AGBL4: variants seen among roughly 807,000 people sequenced by gnomAD.
AGBL4 encodes the protein AGBL carboxypeptidase 4.
AGBL4 carries 58 observed loss-of-function variants against 66.4 expected under a neutral mutation model. That is an observed-to-expected ratio of 0.87 (90% CI 0.71 to 1.09). The LOEUF is 1.09. Among genes scored for constraint, AGBL4 ranks in the 50% least tolerant of loss-of-function variants. The pLI is 0.00. For synonymous variants in AGBL4, 234 were observed against 222.9 expected (o/e 1.05, Z -0.44); for missense variants, 579 against 631.0 (o/e 0.92, Z 0.88).
intron 5 of AGBL4, among the ~76,000 whole-genome samples, chr1:48,916,847 GC>G (rs1402985050): frequency 1.1e-4 from 16 of 151,922 alleles, no homozygotes; most frequent in African/African-American, 3.6e-4. Context: ...TTGAATGAGT[GC>G]TATTCTAAGG....
intron 3 of AGBL4, among the ~76,000 whole-genome samples, chr1:49,590,492 G>A (rs751118168): frequency 6.6e-6 from 1 of 151,182 alleles, no homozygotes; most frequent in East Asian, 1.9e-4. Context: ...GGGAAAGGAA[G>A]GAAACTAAGA....
At chr1:49,659,251 T>G (rs1646219683) in intron 3 of AGBL4, among the ~76,000 whole-genome samples, 1 of 151,994 alleles carries the variant, frequency 6.6e-6, no homozygotes, top group Admixed American at 6.6e-5. Flanking sequence ...AGAAACTACA[T>G]AAACAAGTCT....
intron 1 of AGBL4, among the ~76,000 whole-genome samples, chr1:49,888,544 AT>A (rs2148161394): frequency 6.6e-6 from 1 of 152,330 alleles, no homozygotes; most frequent in African/African-American, 2.4e-5. Context: ...TATTTAATTA[AT>A]AAATAAGAGT....
intron 1 of AGBL4, among the ~76,000 whole-genome samples, chr1:49,866,341 G>A (rs983752976): frequency 3.9e-5 from 6 of 152,162 alleles, no homozygotes; most frequent in Non-Finnish European, 8.8e-5. Context: ...AGGAAAAAAT[G>A]TTAAGGGCAG....
intron 3 of AGBL4, among the ~76,000 whole-genome samples, chr1:49,295,461 G>A (rs938139779): frequency 1.3e-5 from 2 of 152,128 alleles, no homozygotes; most frequent in African/African-American, 4.8e-5. Context: ...TTGGGGATTT[G>A]GGATAATATA....
chr1:49,572,154 A>AT (rs1193277004), intron 3 of AGBL4, among the ~76,000 whole-genome samples: 1 of 152,078 alleles, frequency 6.6e-6, no homozygotes, highest in African/African-American at 2.4e-5. Flanking sequence ...GGTATTAGTT[A>AT]TTTTTTGTAT....
chr1:49,505,062 A>C (rs1648556392), intron 3 of AGBL4, among the ~76,000 whole-genome samples: 1 of 152,050 alleles, frequency 6.6e-6, no homozygotes, highest in African/African-American at 2.4e-5. Flanking sequence ...AAAATGTTAT[A>C]CAGTAATAAC....
rs1664546518 is a variant in AGBL4, at chr1:49,035,279, A to C, written c.594+10305T>G. ...AGTCACGCAGGTCTACTGCAACCTCAATTCTTGCCTCCTCAGAAGAAAGAA... is the reference window on the plus strand; with the variant it reads ...AGTCACGCAGGTCTACTGCAACCTCCATTCTTGCCTCCTCAGAAGAAAGAA... On this transcript the variant is annotated intron_variant, in intron 5 of 13. Transcript: ENST00000371839. 2.0e-5 allele frequency among the ~76,000 whole-genome samples: 3 copies of C among 152,128 alleles called. No individual in the cohort carries two copies. In the South Asian group the frequency reaches 6.2e-4, roughly 31 times the overall value.
intron 2 of AGBL4, among the ~76,000 whole-genome samples, chr1:49,764,032 T>C (rs1652541545): frequency 1.3e-5 from 2 of 152,126 alleles, no homozygotes; most frequent in South Asian, 4.2e-4. Context: ...TGTGTTCCTC[T>C]GGAAAGCAGC....
intron 1 of AGBL4, among the ~76,000 whole-genome samples, chr1:49,863,106 T>C (rs1646614699): frequency 6.6e-6 from 1 of 151,992 alleles, no homozygotes; most frequent in African/African-American, 2.4e-5. Flanking sequence ...CATATACCAA[T>C]GGAACAAAAT....
intron 4 of AGBL4, among the ~76,000 whole-genome samples, chr1:49,189,784 AT>A: frequency 6.6e-6 from 1 of 152,266 alleles, no homozygotes. Context: ...TTTCATGAGA[AT>A]TTTTCAGGTG....
chr1:49,694,739 G>C (rs1394732614), intron 3 of AGBL4, among the ~76,000 whole-genome samples: 1 of 152,106 alleles, frequency 6.6e-6, no homozygotes, highest in Non-Finnish European at 1.5e-5. Flanking sequence ...CTCTGGCAGA[G>C]ACATTTTGAA....
chr1:48,909,321 A>C (rs1483328363), intron 5 of AGBL4, among the ~76,000 whole-genome samples: 1 of 152,178 alleles, frequency 6.6e-6, no homozygotes, highest in African/African-American at 2.4e-5. Context: ...TTCAGTACTC[A>C]ATAAGGAATT....
chr1:48,616,091 C>T (rs933828193), intron 9 of AGBL4, among the ~76,000 whole-genome samples: 5 of 152,190 alleles, frequency 3.3e-5, no homozygotes, highest in Admixed American at 3.3e-4. Flanking sequence ...GATTCAGTTT[C>T]AGCATATGGA....
intron 1 of AGBL4, among the ~76,000 whole-genome samples, chr1:49,878,627 G>T (rs1478268668): frequency 6.6e-6 from 1 of 152,066 alleles, no homozygotes; most frequent in African/African-American, 2.4e-5. Context: ...TGAAAAAAAT[G>T]TATATTCTGT....
chr1:49,331,807 T>C (rs1267778036), intron 3 of AGBL4, among the ~76,000 whole-genome samples: 2 of 151,786 alleles, frequency 1.3e-5, no homozygotes, highest in East Asian at 2.0e-4. Flanking sequence ...TTACAAAACA[T>C]GGCCAGACTG....
At chr1:49,632,696 C>G (rs1255107544) in intron 3 of AGBL4, among the ~76,000 whole-genome samples, 1 of 152,188 alleles carries the variant, frequency 6.6e-6, no homozygotes, top group Non-Finnish European at 1.5e-5. Flanking sequence ...GCTTCTGCCA[C>G]TGGTCCACAT....
At chr1:49,151,288 A>G (rs1646327694) in intron 4 of AGBL4, among the ~76,000 whole-genome samples, 1 of 146,996 alleles carries the variant, frequency 6.8e-6, no homozygotes, top group African/African-American at 2.5e-5. Flanking sequence ...AAAAATATAT[A>G]TATATATATA....
At chr1:49,222,896 T>C (rs1372341485) in intron 4 of AGBL4, among the ~76,000 whole-genome samples, 1 of 152,158 alleles carries the variant, frequency 6.6e-6, no homozygotes, top group Non-Finnish European at 1.5e-5. Flanking sequence ...ACATGGTGTT[T>C]TTTTATTTGA....
Sources: gnomAD v4.1 joint callset for allele counts (sites outside exome capture counted in the v4.1 genomes callset) on GRCh38, gnomAD v4.1.1 for gene constraint, MANE v1.5 for transcripts, NCBI Gene and HGNC (gene_info 2026-07-23, HGNC 2026-07-21) for gene names.